NLRP14: variants seen among roughly 807,000 people sequenced by gnomAD.
NLRP14 encodes the protein NLR family pyrin domain containing 14.
Under a neutral mutation model 94.7 loss-of-function variants are expected in NLRP14, and 105 were observed. The ratio of observed to expected loss-of-function variants is 1.11; its 90% CI spans 0.95 to 1.30. The LOEUF (loss-of-function observed/expected upper bound fraction) is 1.30, where lower values mean the gene tolerates loss of function less well. NLRP14 is among the 50% of genes most tolerant of loss of function. NLRP14 has a pLI of 0.00. For missense variants in NLRP14, 1,362 were observed against 1,254.1 expected (o/e 1.09, Z -1.30); for synonymous variants, 508 against 459.9 (o/e 1.10, Z -1.34).
chr11:7,027,214 CAA>C (rs1245378648), intron 1 of NLRP14, among the ~76,000 whole-genome samples: 2 of 151,378 alleles, frequency 1.3e-5, no homozygotes, highest in Non-Finnish European at 2.9e-5. Flanking sequence ...TTCTCTAAAA[CAA>C]AACAATAAAA....
chr11:7,065,311 T>G (rs139231775), intron 10 of NLRP14, among the ~76,000 whole-genome samples: 1 of 152,266 alleles, frequency 6.6e-6, no homozygotes, highest in Non-Finnish European at 1.5e-5. Flanking sequence ...GCTTACTATA[T>G]TTCATGCTGT....
the NLRP14 span, chr11:7,089,894 C>A: frequency 6.2e-7 from 1 of 1,612,956 alleles, no homozygotes. Context: ...GAGGCTACAG[C>A]GACCGAGACG....
intron 1 of NLRP14, 70 bp from the exon 2 acceptor site, chr11:7,038,496 T>G (rs1852192875): frequency 1.5e-6 from 2 of 1,296,738 alleles, no homozygotes; most frequent in South Asian, 2.4e-5. Flanking sequence ...AGTATTTCAT[T>G]TTCAAATCTG....
chr11:7,082,960 T>C, the NLRP14 span, among the ~76,000 whole-genome samples: 2 of 152,264 alleles, frequency 1.3e-5, no homozygotes, highest in African/African-American at 4.8e-5. Flanking sequence ...AATAGAGCTA[T>C]ACTTTATTGT....
rs1023886489 is a variant in NLRP14, at chr11:7,043,466, C to A, written c.1440C>A (p.His480Gln). 2 of 1,614,058 alleles carry A rather than the reference C, an allele frequency of 1.2e-6. No homozygotes were observed. Among genetic ancestry groups the A allele is most frequent in the African/African-American group, 1.3e-5 (1 of 74,918 alleles). ...ATGAAAACTGCTATGTGTTCACCCA[C>A]CTTCATGTTCAGGAGTTTTTTGCAG... ...AEYENCYVFT[H>Q]LHVQEFFAAM... Residue 480 changes from histidine (H) to glutamine (Q), a missense_variant, in exon 4 of 12, where the codon CAC becomes CAA. Coordinates refer to ENST00000299481, the MANE Select transcript of NLRP14 (RefSeq NM_176822.4).
At chr11:7,046,370 A>G (rs1317833797) in intron 4 of NLRP14, among the ~76,000 whole-genome samples, 1 of 152,160 alleles carries the variant, frequency 6.6e-6, no homozygotes, top group East Asian at 1.9e-4. Flanking sequence ...CTCTTCAAGT[A>G]TTTGAATACT....
At position 7,071,345 on chromosome 11, in the gene NLRP14, T is replaced by A; in HGVS notation, c.*37T>A. On this transcript the variant is annotated 3_prime_UTR_variant, in exon 12 of 12. Coordinates refer to ENST00000299481, the MANE Select transcript of NLRP14 (RefSeq NM_176822.4). ...TGACATTCCTTTAAAAATATAAATATAAATACATACATACATAGATATATA... is the reference window on the plus strand; with the variant it reads ...TGACATTCCTTTAAAAATATAAATAAAAATACATACATACATAGATATATA... 2 of 1,547,232 alleles carry A rather than the reference T, an allele frequency of 1.3e-6. No individual in the cohort carries two copies. The highest frequency in any genetic ancestry group is 1.1e-5 in the South Asian group (1 of 88,096).
At chr11:7,089,701 C>T in the NLRP14 span, 176 of 1,520,084 alleles carry the variant, frequency 1.2e-4, 1 homozygote, top group South Asian at 5.5e-4. Flanking sequence ...TCAGGCCCAC[C>T]GCGCCGGGAG....
rs1852282228 is a variant in NLRP14, at chr11:7,042,869, A to G, written c.843A>G (p.Gln281=). Residue 281 remains glutamine (Q), a synonymous_variant, in exon 4 of 12, where the codon CAA becomes CAG. Coordinates refer to ENST00000299481, the MANE Select transcript of NLRP14 (RefSeq NM_176822.4). ...TTGCACTGTGCGAAGACTGGACCCAAGAACACCCAGTGTCCTTCCTCATGA... is the reference window on the plus strand; with the variant it reads ...TTGCACTGTGCGAAGACTGGACCCAGGAACACCCAGTGTCCTTCCTCATGA... ...PEFALCEDWT[Q]EHPVSFLMSS... 1.9e-6 allele frequency: 3 copies of G among 1,614,198 alleles called. No individual in the cohort carries two copies. The highest frequency in any genetic ancestry group is 8.5e-7 in the Non-Finnish European group (1 of 1,180,042).
Position 7,043,286 on chromosome 11 carries a change from C to G in NLRP14, c.1260C>G (p.Asn420Lys), listed in dbSNP as rs1852294040. 1 of 1,614,048 alleles carries G rather than the reference C, an allele frequency of 6.2e-7. No individual in the cohort carries two copies. Among genetic ancestry groups the G allele is most frequent in the South Asian group, 1.1e-5 (1 of 91,078 alleles). The change falls in exon 4 of 12, where the codon AAC (asparagine) becomes AAG (lysine). Residue 420 changes from asparagine to lysine, a missense_variant. Transcript: ENST00000299481. ...PVDGGSPSLP[N>K]QAQLRRLCQV... ...ATGGAGGCTCTCCTAGTCTACCCAA[C>G]CAAGCCCAGCTGAGAAGACTGTGCC...
rs116753166 is a variant in NLRP14, at chr11:7,043,040, T to C, written c.1014T>C (p.Tyr338=). 5,438 of 1,614,060 alleles carry C rather than the reference T, an allele frequency of 3.4e-3. 166 individuals are homozygous for C. In the African/African-American group the frequency reaches 0.061, roughly 18 times the overall value. The change falls in exon 4 of 12, where the codon TAT becomes TAC. Residue 338 remains tyrosine (Y), a synonymous_variant. Transcript: ENST00000299481. Reference sequence around the variant, plus strand: ...TGTCTGAGGATGCAAGAGAGGAGTATATTTACCAGTTTTTTGAAGATAAGA... The same window carrying C: ...TGTCTGAGGATGCAAGAGAGGAGTACATTTACCAGTTTTTTGAAGATAAGA... ...LGMSEDAREE[Y]IYQFFEDKRW...
chr11:7,076,178 T>A (rs1238638179), downstream of NLRP14, among the ~76,000 whole-genome samples: 1 of 152,160 alleles, frequency 6.6e-6, no homozygotes, highest in Non-Finnish European at 1.5e-5. Flanking sequence ...ATAGTATTTA[T>A]CTTGGTTACT....
In NLRP14 at chr11:7,039,797, G is replaced by C; in HGVS notation, c.361+12G>C. 6.2e-7 allele frequency: 1 copy of C among 1,605,202 alleles called. No homozygotes were observed. The highest frequency in any genetic ancestry group is 8.5e-7 in the Non-Finnish European group (1 of 1,171,860). On this transcript the variant is annotated intron_variant, in intron 3 of 11. Coordinates refer to ENST00000299481, the MANE Select transcript of NLRP14 (RefSeq NM_176822.4). Reference sequence around the variant, plus strand: ...GGAGGCAGTGCTGGGTGAGTAGTTAGGCCTTTCATCAGATTTGGGAGGCAT... The same window carrying C: ...GGAGGCAGTGCTGGGTGAGTAGTTACGCCTTTCATCAGATTTGGGAGGCAT...
chr11:7,081,342 C>T, the NLRP14 span, among the ~76,000 whole-genome samples: 1 of 151,902 alleles, frequency 6.6e-6, no homozygotes, highest in Admixed American at 6.6e-5. Flanking sequence ...TCTAGGTGGT[C>T]TGTTGGTCTT....
the NLRP14 span, chr11:7,089,100 C>A: frequency 1.2e-6 from 2 of 1,609,064 alleles, no homozygotes; most frequent in Non-Finnish European, 1.7e-6. Flanking sequence ...CCGCCACTGA[C>A]CGACCGTTCG....
chr11:7,053,617 T>C (rs1852474818), intron 6 of NLRP14, among the ~76,000 whole-genome samples: 1 of 151,852 alleles, frequency 6.6e-6, no homozygotes, highest in South Asian at 2.1e-4. Context: ...TGTATTTTTT[T>C]CTGAGAGGAT....
chr11:7,057,629 T>C, intron 6 of NLRP14, 48 bp from the exon 7 acceptor site: 1 of 1,560,848 alleles, frequency 6.4e-7, no homozygotes, highest in East Asian at 2.2e-5. Flanking sequence ...TTGGTTGTAA[T>C]TATTCTCTAA....
downstream of NLRP14, among the ~76,000 whole-genome samples, chr11:7,075,816 C>T (rs959291673): frequency 2.0e-5 from 3 of 152,062 alleles, no homozygotes; most frequent in Admixed American, 2.0e-4. Context: ...TTGATGGCAC[C>T]CAGAAGTTTG....
At chr11:7,030,763 C>T (rs1242809264) in intron 1 of NLRP14, among the ~76,000 whole-genome samples, 1 of 152,184 alleles carries the variant, frequency 6.6e-6, no homozygotes, top group Non-Finnish European at 1.5e-5. Context: ...AATAAAGGGA[C>T]ACTGCTTATT....
Sources: allele counts gnomAD v4.1 joint callset (sites outside exome capture counted in the v4.1 genomes callset), GRCh38; gene constraint gnomAD v4.1.1; transcripts MANE v1.5; gene names NCBI Gene and HGNC (gene_info 2026-07-23, HGNC 2026-07-21).